SEMA5A: variants seen among roughly 807,000 people sequenced by gnomAD.
The protein encoded by SEMA5A is semaphorin-5A.
In SEMA5A, 55 loss-of-function variants were observed where a neutral mutation model predicts 135.5. The observed-to-expected ratio is 0.41, with a 90% confidence interval of 0.33 to 0.51. The LOEUF is 0.51. Ranked by LOEUF, SEMA5A falls within the 20% of genes least tolerant of loss-of-function variation. The pLI is 0.37. For synonymous variants in SEMA5A, 580 were observed against 546.5 expected, an observed-to-expected ratio of 1.06 and a Z score of -0.85; for missense variants, 1,290 against 1,419.9, an observed-to-expected ratio of 0.91 and a Z score of 1.47.
At chr5:9,472,198 C>G (rs1466477680) in intron 1 of SEMA5A, among the ~76,000 whole-genome samples, 1 of 152,146 alleles carries the variant, frequency 6.6e-6, no homozygotes, top group Admixed American at 6.5e-5. Flanking sequence ...AGCATGCATC[C>G]TCTGGGAAAT....
At chr5:9,481,490 A>G (rs1172770919) in intron 1 of SEMA5A, among the ~76,000 whole-genome samples, 3 of 152,194 alleles carry the variant, frequency 2.0e-5, no homozygotes, top group African/African-American at 7.2e-5. Context: ...TAAAATCATC[A>G]GGAAGAAGAA....
At chr5:9,164,426 G>T (rs3797920) in intron 11 of SEMA5A, among the ~76,000 whole-genome samples, 2 of 150,770 alleles carry the variant, frequency 1.3e-5, no homozygotes, top group Non-Finnish European at 3.0e-5. Flanking sequence ...CTAAAATATT[G>T]TGATTCAAAT....
At chr5:9,242,026 C>A (rs1806000) in intron 5 of SEMA5A, among the ~76,000 whole-genome samples, 10,559 of 152,256 alleles carry the variant, frequency 0.069, 480 homozygotes, top group Non-Finnish European at 0.1. Flanking sequence ...AATTAACAAC[C>A]ACCTGAGGGC....
intron 5 of SEMA5A, among the ~76,000 whole-genome samples, chr5:9,311,576 C>T (rs1462278501): frequency 1.4e-5 from 2 of 139,602 alleles, no homozygotes; most frequent in Admixed American, 7.7e-5. Context: ...GGGAACATCA[C>T]ACTCCGGGGA....
chr5:9,378,787 C>T (rs1338449741), intron 3 of SEMA5A, among the ~76,000 whole-genome samples: 1 of 152,150 alleles, frequency 6.6e-6, no homozygotes, highest in East Asian at 1.9e-4. Context: ...TTTATGAACC[C>T]ATGAAAGATC....
chr5:9,054,863 G>A (rs1203738546), intron 18 of SEMA5A, among the ~76,000 whole-genome samples: 9 of 152,352 alleles, frequency 5.9e-5, no homozygotes, highest in African/African-American at 2.2e-4. Flanking sequence ...ACACAGACTT[G>A]ACACTATGTT....
intron 5 of SEMA5A, among the ~76,000 whole-genome samples, chr5:9,282,759 C>T (rs1750606971): frequency 6.6e-6 from 1 of 152,132 alleles, no homozygotes; most frequent in African/African-American, 2.4e-5. Context: ...ATGTGCACCT[C>T]CCCATCCCAC....
At chr5:9,370,080 T>C (rs1755073196) in intron 3 of SEMA5A, among the ~76,000 whole-genome samples, 1 of 152,236 alleles carries the variant, frequency 6.6e-6, no homozygotes, top group Non-Finnish European at 1.5e-5. Flanking sequence ...TAATAAGCAC[T>C]CAATAAATAT....
At chr5:9,200,323 C>T (rs1745635866) in intron 9 of SEMA5A, among the ~76,000 whole-genome samples, 2 of 152,184 alleles carry the variant, frequency 1.3e-5, no homozygotes, top group South Asian at 4.1e-4. Context: ...CACCATCTTG[C>T]AATATTCCAG....
At chr5:9,314,737 C>T (rs1225503610) in intron 5 of SEMA5A, among the ~76,000 whole-genome samples, 1 of 152,096 alleles carries the variant, frequency 6.6e-6, no homozygotes, top group Non-Finnish European at 1.5e-5. Flanking sequence ...AGCCTTCTCT[C>T]TCCAGACTAA....
At chr5:9,273,874 A>G (rs960719515) in intron 5 of SEMA5A, among the ~76,000 whole-genome samples, 1 of 152,174 alleles carries the variant, frequency 6.6e-6, no homozygotes, top group Non-Finnish European at 1.5e-5. Flanking sequence ...AGTACCAGCC[A>G]CTGCAAAAAC....
At chr5:9,069,294 T>C (rs1737645289) in intron 16 of SEMA5A, among the ~76,000 whole-genome samples, 1 of 152,254 alleles carries the variant, frequency 6.6e-6, no homozygotes, top group Admixed American at 6.5e-5. Flanking sequence ...ATCACAGGAC[T>C]GGGAAGCATT....
chr5:9,041,019 G>C lies in SEMA5A; in HGVS notation c.*1878C>G, dbSNP rs1468266196. 1 of 152,178 alleles carries C rather than the reference G, an allele frequency of 6.6e-6. No homozygotes were observed. The highest frequency in any genetic ancestry group is 1.5e-5 in the Non-Finnish European group (1 of 68,038). The allele number at this position is 152,178 out of a possible 1,614,324, so 9.4% of individuals were successfully genotyped here. ...TATGGACTTTGAGCATGTGCATATA[G>C]ACAGAAGACTCTGACATATGAGGAA... On this transcript the variant is annotated 3_prime_UTR_variant, in exon 23 of 23. Transcript: ENST00000382496.
At chr5:9,465,524 TAAGGCAAAACTTG>T (rs1459015564) in intron 1 of SEMA5A, among the ~76,000 whole-genome samples, 2 of 152,246 alleles carry the variant, frequency 1.3e-5, no homozygotes, top group Non-Finnish European at 2.9e-5. Context: ...ACAAGTGCTG[TAAGGCAAAACTTG>T]AATCTACTGT....
chr5:9,491,038 A>G (rs1381080783), intron 1 of SEMA5A, among the ~76,000 whole-genome samples: 1 of 152,172 alleles, frequency 6.6e-6, no homozygotes, highest in Non-Finnish European at 1.5e-5. Flanking sequence ...AACAGATAAA[A>G]TGGAAGCCAG....
At chr5:9,046,599 G>A (rs1316186038) in intron 21 of SEMA5A, among the ~76,000 whole-genome samples, 3 of 152,298 alleles carry the variant, frequency 2.0e-5, no homozygotes, top group African/African-American at 4.8e-5. Context: ...TGGCTGATAG[G>A]CCCCAGGGAA....
At chr5:9,327,165 A>T (rs1210180694) in intron 4 of SEMA5A, among the ~76,000 whole-genome samples, 1 of 152,184 alleles carries the variant, frequency 6.6e-6, no homozygotes, top group Non-Finnish European at 1.5e-5. Context: ...TCACATTTAA[A>T]TCACAGTTTT....
At chr5:9,227,458 G>A (rs1022926431) in intron 6 of SEMA5A, among the ~76,000 whole-genome samples, 5 of 152,042 alleles carry the variant, frequency 3.3e-5, no homozygotes, top group African/African-American at 1.2e-4. Flanking sequence ...TTGATCAGAA[G>A]GTCACATGAG....
chr5:9,149,493 A>C (rs776210745), intron 12 of SEMA5A, among the ~76,000 whole-genome samples: 10 of 152,030 alleles, frequency 6.6e-5, no homozygotes, highest in Non-Finnish European at 1.3e-4. Flanking sequence ...AAAATACAAA[A>C]CTTAGCCAGA....
Sources: gnomAD v4.1 joint callset for allele counts (sites outside exome capture counted in the v4.1 genomes callset) on GRCh38, gnomAD v4.1.1 for gene constraint, MANE v1.5 for transcripts, NCBI Gene and HGNC (gene_info 2026-07-23, HGNC 2026-07-21) for gene names.